JARID2: variants seen among roughly 807,000 people sequenced by gnomAD.
JARID2 encodes the protein protein Jumonji.
Under a neutral mutation model 125.6 loss-of-function variants are expected in JARID2, and 21 were observed. That is an observed-to-expected ratio of 0.17 (90% CI 0.12 to 0.24). The LOEUF is 0.24. JARID2 is among the 10% of genes least tolerant of loss of function. The probability of loss-of-function intolerance (pLI) is 1.00; values close to 1 mark genes in which losing one functional copy is unlikely to be tolerated. For missense variants in JARID2, 1,303 were observed against 1,639.6 expected (o/e 0.79, Z 3.55); for synonymous variants, 736 against 661.6 (o/e 1.11, Z -1.73).
chr6:15,254,352 A>C (rs1759572087), intron 1 of JARID2, among the ~76,000 whole-genome samples: 1 of 152,062 alleles, frequency 6.6e-6, no homozygotes, highest in African/African-American at 2.4e-5. Flanking sequence ...TTTTTCTTGT[A>C]CTTGTATCAT....
intron 7 of JARID2, among the ~76,000 whole-genome samples, chr6:15,500,593 C>G (rs1770686212): frequency 4.6e-5 from 7 of 152,194 alleles, no homozygotes; most frequent in Admixed American, 4.6e-4. Flanking sequence ...GGATGTTCCT[C>G]CCTGTATGTC....
At chr6:15,288,071 A>T (rs1390719325) in intron 1 of JARID2, among the ~76,000 whole-genome samples, 1 of 152,188 alleles carries the variant, frequency 6.6e-6, no homozygotes, top group East Asian at 1.9e-4. Context: ...AGTGACCACC[A>T]CGGCAAAGGG....
chr6:15,487,512 G>C lies in JARID2; in HGVS notation c.876G>C (p.Leu292=). 2 of 1,613,566 alleles carry C rather than the reference G, an allele frequency of 1.2e-6. No homozygotes were observed. Among genetic ancestry groups the C allele is most frequent in the Non-Finnish European group, 1.7e-6 (2 of 1,179,636 alleles). Residue 292 remains leucine (L), a synonymous_variant, in exon 6 of 18, where the codon CTG becomes CTC. Coordinates refer to ENST00000341776, the MANE Select transcript of JARID2 (RefSeq NM_004973.4). The part of the protein sequence containing the change: ...GLAATHHHPP[L]HRSAQDLRKQ... ...CTGCCACCCATCACCACCCCCCTCT[G>C]CATCGGTCGGCTCAGGACTTACGGA...
At chr6:15,342,276 C>A (rs553046381) in intron 1 of JARID2, among the ~76,000 whole-genome samples, 1 of 152,350 alleles carries the variant, frequency 6.6e-6, no homozygotes, top group South Asian at 2.1e-4. Flanking sequence ...GTGCGACTTA[C>A]TGTAAACATC....
intron 1 of JARID2, among the ~76,000 whole-genome samples, chr6:15,343,230 A>C (rs1260436179): frequency 2.6e-4 from 3 of 11,344 alleles, no homozygotes; most frequent in African/African-American, 3.8e-4. Context: ...ACTCCGTCAA[A>C]AAAAAAAAAA....
chr6:15,411,570 T>G (rs1186009115), intron 3 of JARID2, among the ~76,000 whole-genome samples: 1 of 152,186 alleles, frequency 6.6e-6, no homozygotes, highest in East Asian at 1.9e-4. Flanking sequence ...TTAAAAAGAG[T>G]GTCTCAGTGA....
intron 3 of JARID2, among the ~76,000 whole-genome samples, chr6:15,423,960 G>T (rs1332663689): frequency 6.6e-6 from 1 of 151,968 alleles, no homozygotes; most frequent in Admixed American, 6.6e-5. Context: ...GGGTCTTTTT[G>T]TTAACCTCTG....
intron 1 of JARID2, among the ~76,000 whole-genome samples, chr6:15,282,603 CCTCTT>C (rs560941588): frequency 2.8e-3 from 352 of 126,482 alleles, no homozygotes; most frequent in Middle Eastern, 8.2e-3. Context: ...TCTCTTTCTT[CCTCTT>C]CTCTTCTCTT....
intron 3 of JARID2, among the ~76,000 whole-genome samples, chr6:15,413,247 A>G (rs1476753031): frequency 6.6e-6 from 1 of 151,992 alleles, no homozygotes; most frequent in Non-Finnish European, 1.5e-5. Context: ...TCCCTACTTC[A>G]GGTGACCCGC....
chr6:15,331,981 A>G (rs927912916), intron 1 of JARID2, among the ~76,000 whole-genome samples: 16 of 152,174 alleles, frequency 1.1e-4, no homozygotes, highest in African/African-American at 3.6e-4. Context: ...GTTCTGTTTG[A>G]TATTTGTGAG....
At chr6:15,253,263 C>T (rs1348260341) in intron 1 of JARID2, among the ~76,000 whole-genome samples, 1 of 152,154 alleles carries the variant, frequency 6.6e-6, no homozygotes, top group Non-Finnish European at 1.5e-5. Context: ...CGGGGTTTCA[C>T]TATGTTGGCC....
intron 1 of JARID2, among the ~76,000 whole-genome samples, chr6:15,297,568 T>C (rs1019412551): frequency 6.6e-6 from 1 of 151,866 alleles, no homozygotes; most frequent in Admixed American, 6.6e-5. Flanking sequence ...CTTGAACTCC[T>C]GGCCTCAAGC....
rs187053220 is a variant in JARID2, at chr6:15,286,418, A to G, written c.45+39834A>G. ...AGGTGCCCACCACCACACCCGGCTA[A>G]TTTTTGTATTTTTACTAGAGACGGG... On this transcript the variant is annotated intron_variant, in intron 1 of 17. Coordinates refer to ENST00000341776, the MANE Select transcript of JARID2 (RefSeq NM_004973.4). Among the ~76,000 whole-genome samples, 149 of 151,580 alleles carry G rather than the reference A, an allele frequency of 9.8e-4. 1 individual carries two copies. Among genetic ancestry groups the G allele is most frequent in the East Asian group, 6.2e-3 (31 of 4,992 alleles).
chr6:15,285,377 G>A (rs895106307), intron 1 of JARID2, among the ~76,000 whole-genome samples: 4 of 151,570 alleles, frequency 2.6e-5, no homozygotes, highest in East Asian at 1.9e-4. Flanking sequence ...CGCCTGCCTC[G>A]GCCTCCTAAA....
intron 1 of JARID2, among the ~76,000 whole-genome samples, chr6:15,272,308 TG>T (rs780588751): frequency 1.3e-5 from 2 of 152,200 alleles, no homozygotes; most frequent in Non-Finnish European, 2.9e-5. Flanking sequence ...GCCTGCATAG[TG>T]TTATCATGTA....
At chr6:15,482,544 C>T (rs1769671869) in intron 5 of JARID2, among the ~76,000 whole-genome samples, 3 of 152,030 alleles carry the variant, frequency 2.0e-5, no homozygotes, top group Admixed American at 2.0e-4. Flanking sequence ...ATTATTTGAC[C>T]TTTTTGTTAA....
At chr6:15,469,134 T>A (rs1183887957) in intron 5 of JARID2, among the ~76,000 whole-genome samples, 1 of 151,910 alleles carries the variant, frequency 6.6e-6, no homozygotes, top group East Asian at 2.0e-4. Flanking sequence ...TGAAGTGGAC[T>A]GATTTTCCCC....
At chr6:15,326,740 A>G (rs929932035) in intron 1 of JARID2, among the ~76,000 whole-genome samples, 8 of 152,192 alleles carry the variant, frequency 5.3e-5, no homozygotes, top group African/African-American at 1.9e-4. Flanking sequence ...GCCTAAAGTG[A>G]TCAGTCCACC....
chr6:15,288,345 AC>A (rs1224621991), intron 1 of JARID2, among the ~76,000 whole-genome samples: 1 of 152,040 alleles, frequency 6.6e-6, no homozygotes, highest in East Asian at 1.9e-4. Context: ...ATTTTTAAAC[AC>A]CCAGATATCA....
Sources: allele counts gnomAD v4.1 joint callset (sites outside exome capture counted in the v4.1 genomes callset), GRCh38; gene constraint gnomAD v4.1.1; transcripts MANE v1.5; gene names NCBI Gene and HGNC (gene_info 2026-07-23, HGNC 2026-07-21).